Variants in EXOC6 observed in about 807,000 individuals in gnomAD.
EXOC6 encodes exocyst complex component 6, also known as SEC15-like 1.
EXOC6 carries 60 observed loss-of-function variants against 112.5 expected under a neutral mutation model. The ratio of observed to expected loss-of-function variants is 0.53; its 90% confidence interval spans 0.43 to 0.66. EXOC6 has a LOEUF of 0.66. Among genes scored for constraint, EXOC6 ranks in the 30% least tolerant of loss-of-function variants. EXOC6 has a pLI of 0.00. For synonymous variants in EXOC6, 295 were observed against 308.0 expected (o/e 0.96, Z 0.44); for missense variants, 855 against 957.1 (o/e 0.89, Z 1.41).
intron 1 of EXOC6, among the ~76,000 whole-genome samples, chr10:92,860,278 T>C (rs1847846566): frequency 1.4e-5 from 2 of 146,206 alleles, no homozygotes; most frequent in East Asian, 2.0e-4. Context: ...TTTTTTTTTT[T>C]TTTTTTTTTT....
At chr10:92,836,112 G>A (rs1846650114) in intron 1 of EXOC6, among the ~76,000 whole-genome samples, 1 of 152,166 alleles carries the variant, frequency 6.6e-6, no homozygotes, top group South Asian at 2.1e-4. Flanking sequence ...CAAGAGAAAG[G>A]GTGAAGGGAG....
chr10:92,848,911 C>T (rs898237798), intron 1 of EXOC6, among the ~76,000 whole-genome samples: 2 of 152,082 alleles, frequency 1.3e-5, no homozygotes, highest in Non-Finnish European at 2.9e-5. Flanking sequence ...AACCCCGGGC[C>T]CCGCGCTGCG....
intron 20 of EXOC6, among the ~76,000 whole-genome samples, chr10:93,027,435 C>T (rs898218517): frequency 2.2e-5 from 3 of 133,634 alleles, no homozygotes; most frequent in African/African-American, 8.4e-5. Context: ...GATCAAACAA[C>T]CTTCTATTGG....
At chr10:92,860,294 C>CA (rs1167251202) in intron 1 of EXOC6, among the ~76,000 whole-genome samples, 1 of 97,376 alleles carries the variant, frequency 1.0e-5, no homozygotes. Flanking sequence ...TTTTTTGAGA[C>CA]AGAGTCTTGT....
At chr10:92,961,884 A>C (rs1006611091) in intron 17 of EXOC6, among the ~76,000 whole-genome samples, 2 of 152,168 alleles carry the variant, frequency 1.3e-5, no homozygotes, top group Non-Finnish European at 2.9e-5. Context: ...AGATGCTACC[A>C]CAAAGCCACT....
At position 93,014,118 on chromosome 10, in the gene EXOC6, G is replaced by T. The variant is rs1032199491; in HGVS notation, c.2096-76G>T. ...TATTATAATGCATTTATAATGAGTA[G>T]AAATTAATTTATCAGTTAAACTCTT... On this transcript the variant is annotated intron_variant, in intron 19 of 21. Coordinates refer to ENST00000260762, the MANE Select transcript of EXOC6 (RefSeq NM_019053.6). 5 of 1,064,240 alleles carry T rather than the reference G, an allele frequency of 4.7e-6. No homozygotes were observed. In the Admixed American group the frequency reaches 1.1e-4, roughly 23 times the overall value. 65.9% of individuals were successfully genotyped at this position (1,064,240 alleles called of 1,614,324 possible).
At chr10:92,901,684 G>T (rs1214127587) in intron 5 of EXOC6, 2 of 145,762 alleles carry the variant, frequency 1.4e-5, no homozygotes, top group African/African-American at 2.5e-5. Flanking sequence ...GCTCCTTTTA[G>T]TATTAATGGT....
intron 20 of EXOC6, among the ~76,000 whole-genome samples, chr10:93,039,853 A>G (rs1310769273): frequency 6.6e-6 from 1 of 152,190 alleles, no homozygotes; most frequent in Non-Finnish European, 1.5e-5. Context: ...TGTGTGGCAG[A>G]ATGCTTTCTT....
At chr10:92,928,642 C>T (rs7092086) in intron 9 of EXOC6, among the ~76,000 whole-genome samples, 2 of 143,902 alleles carry the variant, frequency 1.4e-5, no homozygotes, top group African/African-American at 5.1e-5. Context: ...AGATAGACAG[C>T]GAATTTAAAA....
At chr10:92,899,746 T>C in intron 5 of EXOC6, 102 bp downstream of exon 5, 2 of 867,674 alleles carry the variant, frequency 2.3e-6, no homozygotes, top group Non-Finnish European at 3.7e-6. Flanking sequence ...GAGTTTTGCT[T>C]TCTTCATTAC....
intron 5 of EXOC6, chr10:92,900,807 T>G (rs1850123543): frequency 6.6e-6 from 1 of 152,188 alleles, no homozygotes; most frequent in South Asian, 2.1e-4. Context: ...TATTACCATA[T>G]TATTTTCCAG....
chr10:92,896,162 TATATATATATATATATATA>T (rs1161301046), intron 4 of EXOC6, among the ~76,000 whole-genome samples: 502 of 26,634 alleles, frequency 0.019, 50 homozygotes, highest in Non-Finnish European at 0.028. Flanking sequence ...TATATATATA[TATATATATATATATATATA>T]TTTTTTTTTT....
chr10:93,048,890 A>G (rs1378918777), intron 20 of EXOC6, among the ~76,000 whole-genome samples: 1 of 152,148 alleles, frequency 6.6e-6, no homozygotes, highest in Admixed American at 6.5e-5. Flanking sequence ...TTGCCAAAAG[A>G]ATTATTTTAA....
intron 17 of EXOC6, among the ~76,000 whole-genome samples, 158 bp from the exon 18 acceptor site, chr10:92,973,895 G>C (rs1434415548): frequency 6.6e-6 from 1 of 151,916 alleles, no homozygotes; most frequent in Non-Finnish European, 1.5e-5. Flanking sequence ...CAAATAAATA[G>C]AGTACTGCCA....
At chr10:92,997,399 G>T in intron 18 of EXOC6, 75 bp from the exon 19 acceptor site, 2 of 1,390,004 alleles carry the variant, frequency 1.4e-6, no homozygotes, top group South Asian at 1.5e-5. Flanking sequence ...CCAGGTGTAT[G>T]ATTTTTCTGA....
At chr10:92,985,899 A>G (rs1330475093) in intron 18 of EXOC6, among the ~76,000 whole-genome samples, 2 of 152,120 alleles carry the variant, frequency 1.3e-5, no homozygotes, top group African/African-American at 4.8e-5. Context: ...CAAGGATTGC[A>G]ATTTTTAAAT....
At chr10:92,925,776 C>T (rs1851679147) in intron 8 of EXOC6, among the ~76,000 whole-genome samples, 1 of 152,094 alleles carries the variant, frequency 6.6e-6, no homozygotes. Context: ...CCTCCTGCCT[C>T]AGCCTCCTGA....
intron 1 of EXOC6, among the ~76,000 whole-genome samples, chr10:92,891,162 T>C (rs1849480373): frequency 6.6e-6 from 1 of 152,162 alleles, no homozygotes; most frequent in Admixed American, 6.6e-5. Context: ...AGGAAGACTA[T>C]GGGAAGGGCA....
intron 5 of EXOC6, among the ~76,000 whole-genome samples, chr10:92,902,152 C>G (rs917373055): frequency 6.6e-6 from 1 of 152,120 alleles, no homozygotes; most frequent in Admixed American, 6.6e-5. Context: ...TTAGAACATT[C>G]TCTTTGTCCT....
Sources: allele counts gnomAD v4.1 joint callset (sites outside exome capture counted in the v4.1 genomes callset), GRCh38; gene constraint gnomAD v4.1.1; transcripts MANE v1.5; gene names NCBI Gene and HGNC (gene_info 2026-07-23, HGNC 2026-07-21).